The following HECW2 variants were observed in gnomAD, a reference collection of about 807,000 sequenced individuals.
The protein encoded by HECW2 is HECT, C2 and WW domain containing E3 ubiquitin protein ligase 2.
A neutral mutation model predicts 175.2 loss-of-function variants in HECW2; 61 were observed. That is an observed-to-expected ratio of 0.35 (90% CI 0.28 to 0.43). The LOEUF is 0.43. Among genes scored for constraint, HECW2 ranks in the 20% least tolerant of loss-of-function variants. HECW2 has a pLI of 1.00. For missense variants in HECW2, 1,524 were observed against 2,000.5 expected (o/e 0.76, Z 4.54); for synonymous variants, 671 against 731.0 (o/e 0.92, Z 1.32).
intron 2 of HECW2, among the ~76,000 whole-genome samples, chr2:196,432,769 A>T (rs1462298841): frequency 6.6e-6 from 1 of 152,234 alleles, no homozygotes; most frequent in East Asian, 1.9e-4. Context: ...TCATCAGTTT[A>T]AAAATGTTAG....
chr2:196,320,995 G>A (rs562665663), intron 7 of HECW2, among the ~76,000 whole-genome samples: 6 of 152,326 alleles, frequency 3.9e-5, no homozygotes, highest in African/African-American at 7.2e-5. Flanking sequence ...GAATGAAAGC[G>A]CCCTTCATAG....
intron 5 of HECW2, among the ~76,000 whole-genome samples, 197 bp from the exon 6 acceptor site, chr2:196,325,346 T>C (rs1346261641): frequency 2.0e-5 from 3 of 152,136 alleles, no homozygotes; most frequent in Admixed American, 6.5e-5. Context: ...TGTAACACAA[T>C]AGCAGTTATT....
intron 1 of HECW2, among the ~76,000 whole-genome samples, chr2:196,442,984 A>G (rs775312068): frequency 1.5e-4 from 23 of 152,246 alleles, no homozygotes; most frequent in South Asian, 8.3e-4. Flanking sequence ...TACTAGAAAG[A>G]TACTAGGTAG....
At chr2:196,480,744 T>A (rs992774705) in intron 1 of HECW2, among the ~76,000 whole-genome samples, 5 of 152,194 alleles carry the variant, frequency 3.3e-5, no homozygotes, top group African/African-American at 2.4e-5. Flanking sequence ...TAAAAAATAT[T>A]CTCTTCTTGC....
chr2:196,484,031 G>A (rs770182978), intron 1 of HECW2, among the ~76,000 whole-genome samples: 4 of 152,134 alleles, frequency 2.6e-5, no homozygotes, highest in Admixed American at 6.5e-5. Flanking sequence ...CTTTGAAATC[G>A]TTTTCTGATT....
At chr2:196,366,168 C>A (rs1003727917) in intron 2 of HECW2, among the ~76,000 whole-genome samples, 1 of 152,150 alleles carries the variant, frequency 6.6e-6, no homozygotes, top group African/African-American at 2.4e-5. Flanking sequence ...AAGGGAGCAC[C>A]ACAGCAAGGC....
At chr2:196,590,095 G>C (rs893917122) in intron 1 of HECW2, among the ~76,000 whole-genome samples, 3 of 152,120 alleles carry the variant, frequency 2.0e-5, no homozygotes, top group African/African-American at 4.8e-5. Flanking sequence ...AAAATCTGGT[G>C]TCGGAAGAGG....
chr2:196,580,877 C>T lies in HECW2; in HGVS notation c.-36+12631G>A, dbSNP rs571967590. On this transcript the variant is annotated intron_variant, in intron 1 of 28. Transcript: ENST00000644978. ...TCATAGCAGCATTATTCATAATAGC[C>T]GAAAAATGAGACCATCCTCATTGTC... is the stretch of plus-strand genomic sequence containing the variant. Among the ~76,000 whole-genome samples the T allele has an allele frequency of 8.6e-5, 13 of 152,028 alleles. No homozygotes were observed. The East Asian group carries it at 1.4e-3, about 16-fold the overall frequency.
chr2:196,290,111 TA>T, intron 14 of HECW2: 1 of 152,318 alleles, frequency 6.6e-6, no homozygotes, highest in Non-Finnish European at 1.5e-5. Flanking sequence ...GATTCTAATG[TA>T]AAAGCCAGCA....
At chr2:196,269,391 A>C (rs1211488821) in intron 17 of HECW2, 2 of 150,662 alleles carry the variant, frequency 1.3e-5, no homozygotes, top group African/African-American at 4.9e-5. Flanking sequence ...AGGCTGAAGC[A>C]GGAGAATCGC....
chr2:196,435,525 C>G (rs1695843026), intron 1 of HECW2, among the ~76,000 whole-genome samples: 1 of 152,150 alleles, frequency 6.6e-6, no homozygotes, highest in South Asian at 2.1e-4. Context: ...GGCCACAACC[C>G]TTATAGCTTA....
At chr2:196,270,994 G>A (rs899645936) in intron 17 of HECW2, among the ~76,000 whole-genome samples, 199 bp downstream of exon 17, 1 of 151,846 alleles carries the variant, frequency 6.6e-6, no homozygotes, top group Non-Finnish European at 1.5e-5. Flanking sequence ...GTGCCCGGCC[G>A]ATTTTATTCA....
In HECW2 at chr2:196,526,790, G is replaced by A. The variant is rs1488533969; in HGVS notation, c.-36+66718C>T. On this transcript the variant is annotated intron_variant, in intron 1 of 28. Transcript: ENST00000644978. Reference sequence around the variant, plus strand: ...GGGATGCCTCCCAGTTAGGCTGCTCGGGGGTCAGGGGTCAGGGACCCACTT... The same window carrying A: ...GGGATGCCTCCCAGTTAGGCTGCTCAGGGGTCAGGGGTCAGGGACCCACTT... Among the ~76,000 whole-genome samples the A allele has an allele frequency of 6.6e-5, 10 of 152,172 alleles. No homozygotes were observed. The East Asian group carries it at 1.2e-3, about 18-fold the overall frequency.
At chr2:196,220,630 C>A (rs1405371515) in intron 25 of HECW2, among the ~76,000 whole-genome samples, 165 bp downstream of exon 25, 2 of 152,124 alleles carry the variant, frequency 1.3e-5, no homozygotes, top group East Asian at 1.9e-4. Context: ...AGTTAAGCTT[C>A]TTTTGGTGCT....
chr2:196,523,691 G>A (rs1037082293), intron 1 of HECW2, among the ~76,000 whole-genome samples: 1 of 151,582 alleles, frequency 6.6e-6, no homozygotes, highest in East Asian at 1.9e-4. Flanking sequence ...ATGAAGGGTT[G>A]TTGAATTTTG....
intron 20 of HECW2, 150 bp downstream of exon 20, chr2:196,241,934 G>T: frequency 1.4e-6 from 1 of 690,146 alleles, no homozygotes; most frequent in Non-Finnish European, 2.5e-6. Context: ...CTATGTTTTA[G>T]ATGATCCTAT....
chr2:196,581,826 T>C (rs1257914300), intron 1 of HECW2, among the ~76,000 whole-genome samples: 1 of 152,004 alleles, frequency 6.6e-6, no homozygotes, highest in Non-Finnish European at 1.5e-5. Context: ...CAGCACTCTG[T>C]GAGGACAAGG....
chr2:196,400,669 A>G (rs1694792435), intron 2 of HECW2, among the ~76,000 whole-genome samples: 1 of 152,156 alleles, frequency 6.6e-6, no homozygotes, highest in Non-Finnish European at 1.5e-5. Context: ...CTTGAAAATC[A>G]TGAAAACCTT....
chr2:196,385,774 G>A (rs1268223692), intron 2 of HECW2, among the ~76,000 whole-genome samples: 1 of 152,168 alleles, frequency 6.6e-6, no homozygotes, highest in African/African-American at 2.4e-5. Flanking sequence ...AACTTGTCTA[G>A]ATTAAAATAA....
Sources: gnomAD v4.1 joint callset for allele counts (sites outside exome capture counted in the v4.1 genomes callset) on GRCh38, gnomAD v4.1.1 for gene constraint, MANE v1.5 for transcripts, NCBI Gene and HGNC (gene_info 2026-07-23, HGNC 2026-07-21) for gene names.